Variants in CLCN5 observed in about 807,000 individuals in gnomAD.
CLCN5 encodes H(+)/Cl(-) exchange transporter 5.
CLCN5 carries 17 observed loss-of-function variants against 54.0 expected under a neutral mutation model. The ratio of observed to expected loss-of-function variants is 0.31; its 90% CI spans 0.22 to 0.47. The LOEUF (loss-of-function observed/expected upper bound fraction) is 0.47. CLCN5 is among the 20% of genes least tolerant of loss of function. The pLI is 1.00. For missense variants in CLCN5, 448 were observed against 646.7 expected (o/e 0.69, Z 3.33); for synonymous variants, 222 against 233.0 (o/e 0.95, Z 0.43).
chrX:50,013,163 T>C (rs1557182846), intron 3 of CLCN5: 1 of 264,165 alleles, frequency 3.8e-6, no homozygotes, highest in Non-Finnish European at 7.4e-6. Flanking sequence ...TCAATCTCTC[T>C]CCTCTCTCTC....
At chrX:49,957,094 T>A (rs1262795941) in intron 3 of CLCN5, among the ~76,000 whole-genome samples, 1 of 109,071 alleles carries the variant, frequency 9.2e-6, no homozygotes, top group Non-Finnish European at 1.9e-5. Flanking sequence ...AGGTCAGGAG[T>A]TCAAGACTAG....
intron 3 of CLCN5, among the ~76,000 whole-genome samples, chrX:49,931,187 A>G (rs191751614): frequency 5.0e-4 from 56 of 111,625 alleles, no homozygotes; most frequent in Admixed American, 4.8e-3. Context: ...TGAAGGGATT[A>G]AATGAGAAAA....
intron 3 of CLCN5, among the ~76,000 whole-genome samples, chrX:50,035,472 G>C (rs969975883): frequency 2.0e-4 from 22 of 111,412 alleles, no homozygotes; most frequent in Non-Finnish European, 4.0e-4. Context: ...GAAGGACATG[G>C]TGTAGTCACA....
chrX:49,953,451 G>T (rs1927158622), intron 3 of CLCN5, among the ~76,000 whole-genome samples: 1 of 111,120 alleles, frequency 9.0e-6, no homozygotes, highest in South Asian at 3.8e-4. Flanking sequence ...GACCATAGGT[G>T]CAGGCCACCA....
chrX:50,014,512 A>G, intron 3 of CLCN5: 2 of 299,438 alleles, frequency 6.7e-6, no homozygotes, highest in South Asian at 3.2e-5. Context: ...ACACAATGCA[A>G]GACTCTCATT....
intron 3 of CLCN5, among the ~76,000 whole-genome samples, chrX:49,948,801 G>A (rs782292929): frequency 1.8e-5 from 2 of 111,664 alleles, no homozygotes; most frequent in East Asian, 5.6e-4. Context: ...ATTAAAGCCA[G>A]GGTGCTAACA....
chrX:49,971,018 T>A (rs1557176122), intron 3 of CLCN5, among the ~76,000 whole-genome samples: 1 of 110,338 alleles, frequency 9.1e-6, no homozygotes, highest in Non-Finnish European at 1.9e-5. Context: ...TTTGTACTTC[T>A]GTTAAATTTA....
chrX:49,953,344 C>G (rs962740015), intron 3 of CLCN5, among the ~76,000 whole-genome samples: 2 of 111,822 alleles, frequency 1.8e-5, no homozygotes, highest in African/African-American at 6.5e-5. Context: ...CTCACTCTGT[C>G]GCCCAAGCTG....
At chrX:50,026,707 G>A (rs1388370279) in intron 3 of CLCN5, among the ~76,000 whole-genome samples, 1 of 111,775 alleles carries the variant, frequency 8.9e-6, no homozygotes, top group Non-Finnish European at 1.9e-5. Flanking sequence ...TTGACTAGTA[G>A]TAGCATGTTA....
intron 4 of CLCN5, among the ~76,000 whole-genome samples, chrX:50,057,849 A>C (rs1471779600): frequency 9.0e-6 from 1 of 110,499 alleles, no homozygotes; most frequent in Non-Finnish European, 1.9e-5. Flanking sequence ...CTTCCGCTGT[A>C]ATGTACTATC....
chrX:49,956,432 C>T (rs782771917), intron 3 of CLCN5, among the ~76,000 whole-genome samples: 1 of 112,378 alleles, frequency 8.9e-6, no homozygotes, highest in East Asian at 2.8e-4. Flanking sequence ...GTGTTGGGAT[C>T]ATTAAATCAG....
At chrX:50,056,497 C>T (rs1317232722) in intron 4 of CLCN5, among the ~76,000 whole-genome samples, 8 of 111,670 alleles carry the variant, frequency 7.2e-5, no homozygotes, top group African/African-American at 2.3e-4. Context: ...TTTGTCAAAT[C>T]TAGCCCCTTT....
At chrX:50,052,470 A>G (rs1602091158) in intron 4 of CLCN5, among the ~76,000 whole-genome samples, 1 of 111,795 alleles carries the variant, frequency 8.9e-6, no homozygotes, top group Non-Finnish European at 1.9e-5. Context: ...TTTTACATCT[A>G]TGTTCATGAA....
At chrX:49,996,441 A>G (rs906729741) in intron 3 of CLCN5, among the ~76,000 whole-genome samples, 1 of 111,767 alleles carries the variant, frequency 8.9e-6, no homozygotes, top group Non-Finnish European at 1.9e-5. Context: ...CTTCCTGAAG[A>G]AGCATTTTAC....
intron 4 of CLCN5, among the ~76,000 whole-genome samples, chrX:50,064,239 A>G (rs547552166): frequency 9.0e-6 from 1 of 111,236 alleles, no homozygotes; most frequent in Non-Finnish European, 1.9e-5. Flanking sequence ...TGCAGATGAC[A>G]TGATTGTATA....
At chrX:49,989,952 C>T (rs140343679) in intron 3 of CLCN5, among the ~76,000 whole-genome samples, 292 of 111,537 alleles carry the variant, frequency 2.6e-3, no homozygotes, top group African/African-American at 9.4e-3. Flanking sequence ...TCAGTCTGCA[C>T]ACTCCTTGAT....
At chrX:49,969,460 G>A (rs1377822677) in intron 3 of CLCN5, among the ~76,000 whole-genome samples, 1 of 112,011 alleles carries the variant, frequency 8.9e-6, no homozygotes, top group Non-Finnish European at 1.9e-5. Context: ...GATATGGTAT[G>A]TTTTCATTTT....
chrX:49,940,917 C>T (rs1454270434), intron 3 of CLCN5, among the ~76,000 whole-genome samples: 1 of 111,869 alleles, frequency 8.9e-6, no homozygotes, highest in East Asian at 2.8e-4. Context: ...GCCTCAGACT[C>T]AGGCTCTACC....
At chrX:50,088,488 A>T in intron 11 of CLCN5, 1 of 436,883 alleles carries the variant, frequency 2.3e-6, no homozygotes, top group Non-Finnish European at 4.0e-6. Context: ...AATCAGGGTA[A>T]GCTTCTTTGC....
Sources: allele counts gnomAD v4.1 joint callset (sites outside exome capture counted in the v4.1 genomes callset), GRCh38; gene constraint gnomAD v4.1.1; transcripts MANE v1.5; gene names NCBI Gene and HGNC (gene_info 2026-07-23, HGNC 2026-07-21).